The following PLPPR1 variants were observed in gnomAD, a reference collection of about 807,000 sequenced individuals.
PLPPR1 encodes the protein phospholipid phosphatase-related protein type 1.
Under a neutral mutation model 33.1 loss-of-function variants are expected in PLPPR1, and 10 were observed. The ratio of observed to expected loss-of-function variants is 0.30; its 90% CI spans 0.19 to 0.51. PLPPR1 has a LOEUF of 0.51. Ranked by LOEUF, PLPPR1 falls within the 20% of genes least tolerant of loss-of-function variation. The pLI, the probability that PLPPR1 is intolerant of heterozygous loss-of-function variation, is 0.97. For synonymous variants in PLPPR1, 151 were observed against 151.0 expected (o/e 1.00, Z 0.00); for missense variants, 304 against 408.1 (o/e 0.74, Z 2.20).
At chr9:101,191,968 A>G (rs754741737) in intron 2 of PLPPR1, among the ~76,000 whole-genome samples, 9 of 152,166 alleles carry the variant, frequency 5.9e-5, no homozygotes, top group Non-Finnish European at 8.8e-5. Context: ...TGACAACTCA[A>G]TTTTCTCAGC....
At chr9:101,100,611 A>G (rs1830885534) in intron 1 of PLPPR1, among the ~76,000 whole-genome samples, 1 of 151,934 alleles carries the variant, frequency 6.6e-6, no homozygotes, top group South Asian at 2.1e-4. Context: ...ATATGCTAGC[A>G]TTTAAGAAAT....
chr9:101,265,949 T>C (rs569677979), intron 2 of PLPPR1, among the ~76,000 whole-genome samples: 1 of 151,826 alleles, frequency 6.6e-6, no homozygotes, highest in East Asian at 2.0e-4. Flanking sequence ...TGAGCCGAGA[T>C]TGTGCCATTG....
chr9:101,156,328 T>A (rs2118661418), intron 1 of PLPPR1, among the ~76,000 whole-genome samples: 1 of 151,990 alleles, frequency 6.6e-6, no homozygotes, highest in East Asian at 1.9e-4. Flanking sequence ...GGCAGATGGA[T>A]CACTTGAGCT....
chr9:101,062,886 T>C (rs1830364001), intron 1 of PLPPR1, among the ~76,000 whole-genome samples: 1 of 152,060 alleles, frequency 6.6e-6, no homozygotes, highest in Admixed American at 6.6e-5. Context: ...ACCAGATTTG[T>C]GTAATCCTCA....
Position 101,266,345 on chromosome 9 carries a change from G to A in PLPPR1, c.64-3535G>A, listed in dbSNP as rs538641557. On this transcript the variant is annotated intron_variant, in intron 2 of 7. Coordinates refer to ENST00000374874, the MANE Select transcript of PLPPR1 (RefSeq NM_207299.2). ...GGGAAAGCGGAGGTTGCAGTGAGCC[G>A]AGATCCTGCCACTGCACTCCAGCCT... 4.0e-5 allele frequency among the ~76,000 whole-genome samples: 6 copies of A among 148,366 alleles called. No homozygotes were observed. In the East Asian group the frequency reaches 1.0e-3, roughly 25 times the overall value.
At chr9:101,287,006 A>G (rs552420477) in intron 4 of PLPPR1, among the ~76,000 whole-genome samples, 11 of 150,470 alleles carry the variant, frequency 7.3e-5, no homozygotes, top group African/African-American at 2.7e-4. Context: ...GAGGGTCAGA[A>G]TACAGCATGC....
chr9:101,112,655 C>T (rs2993807), intron 1 of PLPPR1, among the ~76,000 whole-genome samples: 23,006 of 152,112 alleles, frequency 0.15, 1,852 homozygotes, highest in East Asian at 0.28. Context: ...TGACAGTTTC[C>T]GTATGGTGCT....
chr9:101,307,939 T>C (rs1828884485), intron 4 of PLPPR1, among the ~76,000 whole-genome samples: 1 of 152,224 alleles, frequency 6.6e-6, no homozygotes, highest in Non-Finnish European at 1.5e-5. Flanking sequence ...AGATGTAATA[T>C]ACAGGCCTTG....
intron 1 of PLPPR1, among the ~76,000 whole-genome samples, chr9:101,059,829 G>A (rs1033024176): frequency 3.3e-5 from 5 of 152,012 alleles, no homozygotes; most frequent in Admixed American, 2.6e-4. Context: ...TGCTGGCATG[G>A]ATGTGGAGAA....
intron 1 of PLPPR1, among the ~76,000 whole-genome samples, chr9:101,042,406 T>C (rs997369328): frequency 2.0e-5 from 3 of 152,162 alleles, no homozygotes; most frequent in African/African-American, 7.2e-5. Context: ...TCAGAAAGCA[T>C]TTACTGATCA....
intron 1 of PLPPR1, among the ~76,000 whole-genome samples, chr9:101,029,978 C>A (rs1429790593): frequency 6.6e-6 from 1 of 151,996 alleles, no homozygotes; most frequent in Admixed American, 6.6e-5. Flanking sequence ...TATTATTTTT[C>A]TTTGTGGGGA....
At chr9:101,238,380 GTA>G (rs1290548707) in intron 2 of PLPPR1, among the ~76,000 whole-genome samples, 1 of 139,736 alleles carries the variant, frequency 7.2e-6, no homozygotes, top group South Asian at 2.3e-4. Flanking sequence ...TATATATAGG[GTA>G]TATATATATG....
intron 2 of PLPPR1, among the ~76,000 whole-genome samples, chr9:101,189,257 G>A (rs894888795): frequency 6.6e-6 from 1 of 152,054 alleles, no homozygotes; most frequent in African/African-American, 2.4e-5. Context: ...TCAGGTTATA[G>A]GTAGATTTAA....
intron 1 of PLPPR1, among the ~76,000 whole-genome samples, chr9:101,062,151 TGTGTG>T (rs1016111680): frequency 1.0e-4 from 2 of 19,452 alleles, no homozygotes; most frequent in African/African-American, 3.6e-4. Context: ...CAAAATGTGG[TGTGTG>T]TGTGTGTGTG....
intron 2 of PLPPR1, among the ~76,000 whole-genome samples, chr9:101,218,875 A>G (rs1307843973): frequency 6.6e-6 from 1 of 152,232 alleles, no homozygotes; most frequent in Non-Finnish European, 1.5e-5. Flanking sequence ...ATGCTTTCAA[A>G]TAAGTTGCTA....
chr9:101,290,569 T>C (rs1042270918), intron 4 of PLPPR1, among the ~76,000 whole-genome samples: 3 of 152,214 alleles, frequency 2.0e-5, no homozygotes, highest in Non-Finnish European at 4.4e-5. Flanking sequence ...TAATGGTCTT[T>C]TTTTAACCCC....
At chr9:101,161,004 C>CAA (rs1831765765) in intron 1 of PLPPR1, among the ~76,000 whole-genome samples, 1 of 152,142 alleles carries the variant, frequency 6.6e-6, no homozygotes, top group African/African-American at 2.4e-5. Flanking sequence ...ATCACTTGTG[C>CAA]TTCAATGAAT....
chr9:101,056,297 G>A (rs1830277458), intron 1 of PLPPR1, among the ~76,000 whole-genome samples: 1 of 152,170 alleles, frequency 6.6e-6, no homozygotes, highest in African/African-American at 2.4e-5. Context: ...AGATGAAGGA[G>A]TAAGTTATTT....
At chr9:101,048,198 T>C (rs887211539) in intron 1 of PLPPR1, among the ~76,000 whole-genome samples, 1 of 152,136 alleles carries the variant, frequency 6.6e-6, no homozygotes, top group Non-Finnish European at 1.5e-5. Flanking sequence ...AGTCCATAAA[T>C]AGATGATTAC....
Sources: gnomAD v4.1 joint callset for allele counts (sites outside exome capture counted in the v4.1 genomes callset) on GRCh38, gnomAD v4.1.1 for gene constraint, MANE v1.5 for transcripts, NCBI Gene and HGNC (gene_info 2026-07-23, HGNC 2026-07-21) for gene names.